The following MTUS2 variants were observed in gnomAD, a reference collection of about 807,000 sequenced individuals.
MTUS2 encodes microtubule associated scaffold protein 2.
A neutral mutation model predicts 114.1 loss-of-function variants in MTUS2; 40 were observed. The observed-to-expected ratio is 0.35, with a 90% confidence interval of 0.27 to 0.46. The LOEUF is 0.46. MTUS2 is among the 20% of genes least tolerant of loss of function. The pLI is 1.00. For missense variants in MTUS2, 1,679 were observed against 1,705.4 expected, an observed-to-expected ratio of 0.98 and a Z score of 0.27; for synonymous variants, 688 against 672.0, an observed-to-expected ratio of 1.02 and a Z score of -0.37.
chr13:29,239,182 A>T (rs1896643102), intron 5 of MTUS2, among the ~76,000 whole-genome samples: 1 of 152,230 alleles, frequency 6.6e-6, no homozygotes, highest in Non-Finnish European at 1.5e-5. Flanking sequence ...ACATTATTTC[A>T]TAATGTATAC....
At chr13:29,156,399 TG>T (rs927230307) in intron 5 of MTUS2, among the ~76,000 whole-genome samples, 2 of 152,140 alleles carry the variant, frequency 1.3e-5, no homozygotes, top group African/African-American at 4.8e-5. Flanking sequence ...TTTTCCAGCC[TG>T]CCAAGTGAAA....
intron 8 of MTUS2, among the ~76,000 whole-genome samples, chr13:29,408,102 C>T (rs1003534148): frequency 1.3e-5 from 2 of 152,016 alleles, no homozygotes; most frequent in African/African-American, 4.8e-5. Flanking sequence ...ATACATATTA[C>T]AATCATTTTC....
intron 8 of MTUS2, among the ~76,000 whole-genome samples, chr13:29,406,505 C>T (rs1002581505): frequency 2.6e-5 from 4 of 152,150 alleles, no homozygotes; most frequent in Non-Finnish European, 5.9e-5. Flanking sequence ...CCCCACTGTA[C>T]CCCCAGCAAC....
chr13:29,029,448 T>C (rs950014031), intron 3 of MTUS2, among the ~76,000 whole-genome samples: 2 of 152,150 alleles, frequency 1.3e-5, no homozygotes, highest in African/African-American at 4.8e-5. Flanking sequence ...TAGTGAGTCA[T>C]TTTCAAATTT....
chr13:29,443,902 A>G (rs1220357425), intron 9 of MTUS2, among the ~76,000 whole-genome samples: 1 of 152,122 alleles, frequency 6.6e-6, no homozygotes, highest in Admixed American at 6.6e-5. Flanking sequence ...TGGAATTTCT[A>G]AGGCTCTGAA....
chr13:29,395,394 G>T (rs1463146046), intron 8 of MTUS2, among the ~76,000 whole-genome samples: 1 of 152,224 alleles, frequency 6.6e-6, no homozygotes, highest in African/African-American at 2.4e-5. Context: ...GGAGCACTCA[G>T]TGTTGGTGGA....
intron 2 of MTUS2, among the ~76,000 whole-genome samples, chr13:28,899,064 C>T (rs1388761021): frequency 1.3e-5 from 2 of 152,126 alleles, no homozygotes; most frequent in Non-Finnish European, 2.9e-5. Context: ...CTTCTTCAGG[C>T]AATAAATACA....
At chr13:29,001,660 C>A (rs939036798) in intron 2 of MTUS2, among the ~76,000 whole-genome samples, 2 of 152,134 alleles carry the variant, frequency 1.3e-5, no homozygotes, top group Non-Finnish European at 2.9e-5. Context: ...AGTGGCCCCC[C>A]CAAAATGTCC....
At chr13:29,354,750 C>T (rs1416584917) in intron 7 of MTUS2, among the ~76,000 whole-genome samples, 2 of 152,206 alleles carry the variant, frequency 1.3e-5, no homozygotes, top group Admixed American at 1.3e-4. Flanking sequence ...CTCCCCACCA[C>T]CAGCTCACCC....
chr13:29,062,351 T>G (rs1888461198), intron 4 of MTUS2, among the ~76,000 whole-genome samples: 1 of 152,242 alleles, frequency 6.6e-6, no homozygotes, highest in South Asian at 2.1e-4. Context: ...TGTCACATAC[T>G]CACCAGGTTA....
In MTUS2 at chr13:29,389,974, CACAT is replaced by C. The variant is rs762519700; in HGVS notation, c.3117+30506_3117+30509del. Among the ~76,000 whole-genome samples, 27 of 46,408 alleles carry C rather than the reference CACAT, an allele frequency of 5.8e-4. 5 individuals carry two copies. Among genetic ancestry groups the C allele is most frequent in the African/African-American group, 7.2e-4 (9 of 12,434 alleles). The allele number at this position is 46,408 out of a possible 152,430, so 30.4% of individuals were successfully genotyped here. A position where few individuals can be genotyped will look rare whatever the true frequency, so the allele number is the denominator to read the frequency against. On this transcript the variant is annotated intron_variant, in intron 8 of 15. Transcript: ENST00000612955. ...GTATGTGTATATATCTGTGTATATA[CACAT>C]ACATGTATGTGTATGTATGTATGTG... is the stretch of plus-strand genomic sequence containing the variant.
intron 5 of MTUS2, among the ~76,000 whole-genome samples, chr13:29,181,622 T>G (rs1894008285): frequency 6.6e-6 from 1 of 152,168 alleles, no homozygotes; most frequent in East Asian, 1.9e-4. Flanking sequence ...ATATATATGA[T>G]TAATGGATCA....
chr13:29,189,118 C>G (rs538952891), intron 5 of MTUS2, among the ~76,000 whole-genome samples: 1 of 152,262 alleles, frequency 6.6e-6, no homozygotes, highest in East Asian at 1.9e-4. Context: ...CTAGAATTGC[C>G]AGAGACCCTC....
At chr13:29,264,917 T>C (rs1053491062) in intron 5 of MTUS2, among the ~76,000 whole-genome samples, 6 of 152,268 alleles carry the variant, frequency 3.9e-5, no homozygotes, top group African/African-American at 1.4e-4. Context: ...TATTAGCACT[T>C]GACTCCCTTT....
rs544729635 is a variant in MTUS2, at chr13:29,384,597, A to G, written c.3117+25124A>G. On this transcript the variant is annotated intron_variant, in intron 8 of 15. Coordinates refer to ENST00000612955, the MANE Select transcript of MTUS2 (RefSeq NM_001033602.4). ...AAGATAAAGGCCTCTGCTACTCATG[A>G]TTACCAAGGACCGTGTTCTGTGTGG... Among the ~76,000 whole-genome samples, 60 of 152,308 alleles carry G rather than the reference A, an allele frequency of 3.9e-4. 2 individuals are homozygous for G. Among genetic ancestry groups the G allele is most frequent in the South Asian group, 1.7e-3 (8 of 4,824 alleles).
chr13:28,855,417 C>A (rs1876560250), intron 2 of MTUS2, among the ~76,000 whole-genome samples: 1 of 152,062 alleles, frequency 6.6e-6, no homozygotes, highest in Non-Finnish European at 1.5e-5. Context: ...CGCTCTCCCT[C>A]CCCCTAGACT....
At chr13:29,363,086 T>A (rs1161798207) in intron 8 of MTUS2, among the ~76,000 whole-genome samples, 1 of 141,562 alleles carries the variant, frequency 7.1e-6, no homozygotes, top group Non-Finnish European at 1.6e-5. Flanking sequence ...GGTGTAGTAA[T>A]GAGTGTGACT....
intron 5 of MTUS2, among the ~76,000 whole-genome samples, chr13:29,162,330 T>C (rs1441475730): frequency 6.6e-6 from 1 of 152,188 alleles, no homozygotes; most frequent in Non-Finnish European, 1.5e-5. Context: ...ATTATATAAG[T>C]GATTTGTTTT....
intron 3 of MTUS2, among the ~76,000 whole-genome samples, chr13:29,031,739 A>G (rs951931738): frequency 1.3e-5 from 2 of 151,942 alleles, no homozygotes; most frequent in Non-Finnish European, 1.5e-5. Context: ...ATGCTTGACC[A>G]AATATCTGGG....
Sources: gnomAD v4.1 joint callset for allele counts (sites outside exome capture counted in the v4.1 genomes callset) on GRCh38, gnomAD v4.1.1 for gene constraint, MANE v1.5 for transcripts, NCBI Gene and HGNC (gene_info 2026-07-23, HGNC 2026-07-21) for gene names.